The following COG3 variants were observed in gnomAD, a reference collection of about 807,000 sequenced individuals.
COG3 encodes conserved oligomeric Golgi complex subunit 3.
COG3 carries 32 observed loss-of-function variants against 114.1 expected under a neutral mutation model. That is an observed-to-expected ratio of 0.28 (90% CI 0.21 to 0.38). COG3 has a LOEUF of 0.38. COG3 is among the 10% of genes least tolerant of loss of function. The probability of loss-of-function intolerance (pLI) is 1.00; values close to 1 mark genes in which losing one functional copy is unlikely to be tolerated. For synonymous variants in COG3, 352 were observed against 365.7 expected, an observed-to-expected ratio of 0.96 and a Z score of 0.43; for missense variants, 813 against 973.2, an observed-to-expected ratio of 0.84 and a Z score of 2.19.
intron 1 of COG3, among the ~76,000 whole-genome samples, chr13:45,468,035 T>A (rs539150947): frequency 2.0e-5 from 3 of 152,214 alleles, no homozygotes; most frequent in Non-Finnish European, 4.4e-5. Context: ...GAGAAAATAA[T>A]TTACAATAGA....
rs542130291 is a variant in COG3 at position 45,499,735 on chromosome 13, G to C, written c.1488+3423G>C. On this transcript the variant is annotated intron_variant, in intron 13 of 22. Coordinates refer to ENST00000349995, the MANE Select transcript of COG3 (RefSeq NM_031431.4). ...CAGAATATTTGACTTTTTAAAAATA[G>C]TCTTGGCCAGGCACGGTGGCTTGCG... is the stretch of plus-strand genomic sequence containing the variant. Among the ~76,000 whole-genome samples the C allele has an allele frequency of 1.1e-3, 174 of 152,248 alleles. 1 individual carries two copies. Among genetic ancestry groups the C allele is most frequent in the Non-Finnish European group, 2.0e-3 (138 of 68,014 alleles).
At chr13:45,496,948 C>G (rs1226782144) in intron 13 of COG3, among the ~76,000 whole-genome samples, 1 of 152,258 alleles carries the variant, frequency 6.6e-6, no homozygotes, top group Non-Finnish European at 1.5e-5. Context: ...GCTGGGATTA[C>G]TGGCGTGAGC....
At chr13:45,496,059 A>ACTGTTT (rs1868724821) in intron 12 of COG3, 93 bp from the exon 13 acceptor site, 1 of 1,289,252 alleles carries the variant, frequency 7.8e-7, no homozygotes, top group South Asian at 1.5e-5. Flanking sequence ...AGTGGTTCAT[A>ACTGTTT]CTGTTTCTGA....
chr13:45,487,389 A>G (rs914429116), intron 8 of COG3, among the ~76,000 whole-genome samples: 2 of 152,230 alleles, frequency 1.3e-5, no homozygotes, highest in Non-Finnish European at 2.9e-5. Context: ...AAATAGACAA[A>G]TGGGACTATA....
intron 11 of COG3, 72 bp from the exon 12 acceptor site, chr13:45,493,275 T>C: frequency 8.2e-7 from 1 of 1,225,850 alleles, no homozygotes; most frequent in Non-Finnish European, 1.2e-6. Flanking sequence ...AAGAAATCAA[T>C]GAGGATTTCT....
At chr13:45,494,308 A>G (rs1868457139) in intron 12 of COG3, among the ~76,000 whole-genome samples, 1 of 151,116 alleles carries the variant, frequency 6.6e-6, no homozygotes, top group South Asian at 2.1e-4. Context: ...CCAGGCAACA[A>G]CAGCAAGACT....
At chr13:45,469,220 A>G (rs1885326756) in intron 1 of COG3, among the ~76,000 whole-genome samples, 1 of 152,176 alleles carries the variant, frequency 6.6e-6, no homozygotes, top group Admixed American at 6.5e-5. Flanking sequence ...TTTAGAATAT[A>G]TTTACTCACA....
intron 14 of COG3, among the ~76,000 whole-genome samples, chr13:45,509,397 A>G (rs767481573): frequency 1.4e-4 from 21 of 152,206 alleles, no homozygotes; most frequent in Non-Finnish European, 2.6e-4. Context: ...CCTATGTTCC[A>G]TAAAGATTAT....
At chr13:45,499,303 T>C (rs1159935124) in intron 13 of COG3, among the ~76,000 whole-genome samples, 1 of 152,206 alleles carries the variant, frequency 6.6e-6, no homozygotes, top group African/African-American at 2.4e-5. Flanking sequence ...ATTATAACAC[T>C]AATGCCATGA....
At chr13:45,530,038 T>TCACTA in intron 21 of COG3, 120 bp downstream of exon 21, 1 of 1,089,110 alleles carries the variant, frequency 9.2e-7, no homozygotes, top group Non-Finnish European at 1.3e-6. Flanking sequence ...CTAGTGAAGT[T>TCACTA]GAATAATCAC....
At position 45,536,255 on chromosome 13, in the gene COG3, A is replaced by G. The variant is rs1175050913; in HGVS notation, c.*1524A>G. On this transcript the variant is annotated 3_prime_UTR_variant, in exon 23 of 23. Coordinates refer to ENST00000349995, the MANE Select transcript of COG3 (RefSeq NM_031431.4). ...TAAAATATCCAGTTTTGTGTATTAT[A>G]TGTACATTTGATTTTTAATAGCCTT... The G allele has an allele frequency of 6.6e-6, 1 of 152,236 alleles. No homozygotes were observed. The highest frequency in any genetic ancestry group is 1.5e-5 in the Non-Finnish European group (1 of 68,042). 9.4% of individuals were successfully genotyped at this position (152,236 alleles called of 1,614,324 possible).
At chr13:45,502,216 C>A (rs1269124401) in intron 13 of COG3, among the ~76,000 whole-genome samples, 1 of 152,166 alleles carries the variant, frequency 6.6e-6, no homozygotes, top group Non-Finnish European at 1.5e-5. Flanking sequence ...GGTGCTCCCT[C>A]CTTTTCCTCC....
rs1389491638 is a variant in COG3, at chr13:45,493,535, ATTTG to A, written c.1327+50_1327+53del. 23 of 1,525,052 alleles carry A rather than the reference ATTTG, an allele frequency of 1.5e-5. No individual in the cohort carries two copies. In the Admixed American group the frequency reaches 2.9e-4, roughly 19 times the overall value. The allele number at this position is 1,525,052 out of a possible 1,614,324, so 94.5% of individuals were successfully genotyped here. ...TTAAGTTATATCACTGGCTCAATGA[ATTTG>A]AAAAAAAAATAAGTGCTTCTTCCCT... On this transcript the variant is annotated intron_variant, in intron 12 of 22. Coordinates refer to ENST00000349995, the MANE Select transcript of COG3 (RefSeq NM_031431.4).
In COG3 at chr13:45,490,918, C is replaced by T. The variant is rs1263285707; in HGVS notation, c.928C>T (p.Leu310Phe). 12 of 1,589,450 alleles carry T rather than the reference C, an allele frequency of 7.5e-6. No individual in the cohort carries two copies. The highest frequency in any genetic ancestry group is 1.3e-5 in the African/African-American group (1 of 74,242). The change falls in exon 9 of 23, where the codon CTT becomes TTT. Residue 310 changes from leucine to phenylalanine, a missense_variant. This residue lies in a region of COG3 where 424 missense variants were observed against 430.6 expected (regional missense o/e 0.98). Coordinates refer to ENST00000349995, the MANE Select transcript of COG3 (RefSeq NM_031431.4). ...FRAAAPKVRTLIEQIELRSEK... is the reference protein window; with the variant it reads ...FRAAAPKVRTFIEQIELRSEK... ...TGCATTTTTTCTTACTTTGCAGACT[C>T]TTATTGAACAAATAGAACTGCGGTC...
chr13:45,520,959 C>T (rs750475067), intron 19 of COG3, among the ~76,000 whole-genome samples: 7 of 152,152 alleles, frequency 4.6e-5, no homozygotes, highest in Non-Finnish European at 1.0e-4. Flanking sequence ...AATGAATCTT[C>T]TGAAATAAGC....
intron 7 of COG3, among the ~76,000 whole-genome samples, chr13:45,485,188 C>T (rs9670916): frequency 2.7e-5 from 4 of 145,536 alleles, no homozygotes; most frequent in African/African-American, 7.7e-5. Flanking sequence ...CGGGCAGAGG[C>T]GCCCCTCACC....
chr13:45,500,875 C>T (rs934939469), intron 13 of COG3, among the ~76,000 whole-genome samples: 1 of 152,134 alleles, frequency 6.6e-6, no homozygotes, highest in Non-Finnish European at 1.5e-5. Context: ...GATGACTTAG[C>T]AGTGTTGAGG....
intron 20 of COG3, 97 bp from the exon 21 acceptor site, chr13:45,529,694 T>C (rs2137929937): frequency 1.2e-6 from 1 of 818,676 alleles, no homozygotes. Context: ...AGTCTTTTCT[T>C]CTGCTATTTT....
At chr13:45,476,978 A>G (rs887254809) in intron 2 of COG3, among the ~76,000 whole-genome samples, 4 of 152,226 alleles carry the variant, frequency 2.6e-5, no homozygotes, top group African/African-American at 9.6e-5. Context: ...CCGATGAAGA[A>G]TTACAGTTCC....
Sources: allele counts gnomAD v4.1 joint callset (sites outside exome capture counted in the v4.1 genomes callset), GRCh38; gene constraint gnomAD v4.1.1; regional missense constraint gnomAD v4.1.1; transcripts MANE v1.5; gene names NCBI Gene and HGNC (gene_info 2026-07-23, HGNC 2026-07-21).